The following FRMD4B variants were observed in gnomAD, a reference collection of about 807,000 sequenced individuals.
The protein encoded by FRMD4B is FERM domain-containing protein 4B.
Under a neutral mutation model 141.5 loss-of-function variants are expected in FRMD4B, and 74 were observed. The observed-to-expected ratio is 0.52, with a 90% CI of 0.43 to 0.63. The LOEUF (loss-of-function observed/expected upper bound fraction) is 0.63, where lower values mean the gene tolerates loss of function less well. Ranked by LOEUF, FRMD4B falls within the 30% of genes least tolerant of loss-of-function variation. The pLI is 0.00. For synonymous variants in FRMD4B, 506 were observed against 467.9 expected, an observed-to-expected ratio of 1.08 and a Z score of -1.05; for missense variants, 1,366 against 1,253.4, an observed-to-expected ratio of 1.09 and a Z score of -1.36.
intron 1 of FRMD4B, among the ~76,000 whole-genome samples, chr3:69,464,486 T>G (rs1419780870): frequency 6.6e-6 from 1 of 152,176 alleles, no homozygotes; most frequent in Non-Finnish European, 1.5e-5. Flanking sequence ...CTTTCTTCTT[T>G]TCTCTAAAAC....
intron 2 of FRMD4B, among the ~76,000 whole-genome samples, chr3:69,398,879 G>A (rs1704513508): frequency 6.6e-6 from 1 of 152,084 alleles, no homozygotes; most frequent in Admixed American, 6.6e-5. Flanking sequence ...CATAGTCTAT[G>A]ATATCCAAAC....
chr3:69,343,734 C>G (rs1335938602), intron 1 of FRMD4B, among the ~76,000 whole-genome samples: 1 of 151,904 alleles, frequency 6.6e-6, no homozygotes, highest in African/African-American at 2.4e-5. Context: ...TGTGTGCCAC[C>G]ATACCTGGCT....
intron 1 of FRMD4B, among the ~76,000 whole-genome samples, chr3:69,469,017 C>A (rs1705840301): frequency 6.6e-6 from 1 of 152,122 alleles, no homozygotes; most frequent in South Asian, 2.1e-4. Context: ...GTGACTTCAA[C>A]CAGAGATAAA....
chr3:69,528,613 G>T (rs1468127415), intron 1 of FRMD4B, among the ~76,000 whole-genome samples: 1 of 152,068 alleles, frequency 6.6e-6, no homozygotes, highest in African/African-American at 2.4e-5. Context: ...AGATCCACCT[G>T]CCTTGGCTTC....
intron 5 of FRMD4B, among the ~76,000 whole-genome samples, chr3:69,275,498 G>A (rs1295085400): frequency 6.7e-6 from 1 of 149,572 alleles, no homozygotes. Flanking sequence ...GGAATACAGT[G>A]GCACAATCAT....
chr3:69,176,896 A>G (rs1259482077), intron 21 of FRMD4B, among the ~76,000 whole-genome samples: 1 of 152,146 alleles, frequency 6.6e-6, no homozygotes, highest in Non-Finnish European at 1.5e-5. Context: ...ATATTAATAT[A>G]TTCTGTATAG....
At chr3:69,388,902 T>C (rs11717499), upstream of FRMD4B, among the ~76,000 whole-genome samples, 20,514 of 152,196 alleles carry the variant, frequency 0.13, 1,582 homozygotes, top group Admixed American at 0.2. Flanking sequence ...ATATATTGCA[T>C]TGTGGCGAAG....
intron 2 of FRMD4B, among the ~76,000 whole-genome samples, chr3:69,405,611 T>A (rs1353928721): frequency 6.6e-6 from 1 of 152,234 alleles, no homozygotes; most frequent in African/African-American, 2.4e-5. Flanking sequence ...AAGCAGCCGA[T>A]GTTCTCTACA....
intron 2 of FRMD4B, among the ~76,000 whole-genome samples, chr3:69,402,284 C>A (rs1704576197): frequency 6.6e-6 from 1 of 152,130 alleles, no homozygotes; most frequent in African/African-American, 2.4e-5. Flanking sequence ...TCTGGTTGAG[C>A]CATCTTGTTG....
At chr3:69,307,497 C>G (rs1246989499) in intron 3 of FRMD4B, among the ~76,000 whole-genome samples, 1 of 152,014 alleles carries the variant, frequency 6.6e-6, no homozygotes, top group African/African-American at 2.4e-5. Context: ...CCCACCACCA[C>G]GCCCAGCTAA....
At chr3:69,206,178 C>T (rs1055681369) in intron 11 of FRMD4B, among the ~76,000 whole-genome samples, 2 of 152,004 alleles carry the variant, frequency 1.3e-5, no homozygotes, top group Non-Finnish European at 2.9e-5. Flanking sequence ...GGTAAAACCC[C>T]ATCTCTGCTA....
chr3:69,349,118 A>G (rs1703047910), intron 1 of FRMD4B, among the ~76,000 whole-genome samples: 1 of 152,266 alleles, frequency 6.6e-6, no homozygotes, highest in African/African-American at 2.4e-5. Flanking sequence ...AAGCAACTTC[A>G]GCAAAGTCTC....
intron 12 of FRMD4B, chr3:69,198,378 T>C: frequency 4.0e-6 from 1 of 250,256 alleles, no homozygotes. Flanking sequence ...CACAAGAAGG[T>C]ACCACTTCAA....
chr3:69,340,086 AG>A (rs940217085), intron 1 of FRMD4B, among the ~76,000 whole-genome samples: 4 of 152,142 alleles, frequency 2.6e-5, no homozygotes, highest in Non-Finnish European at 4.4e-5. Flanking sequence ...TCAAGGCATG[AG>A]GGGTTGGGGA....
intron 4 of FRMD4B, among the ~76,000 whole-genome samples, chr3:69,290,363 AGG>A (rs1240201455): frequency 6.6e-6 from 1 of 152,206 alleles, no homozygotes; most frequent in African/African-American, 2.4e-5. Context: ...TGAAGTAGAG[AGG>A]GACAAGAGTC....
chr3:69,186,994 T>A (rs1251751765), intron 19 of FRMD4B, among the ~76,000 whole-genome samples: 1 of 152,176 alleles, frequency 6.6e-6, no homozygotes, highest in East Asian at 1.9e-4. Flanking sequence ...CCTGAGATAT[T>A]TGAGAAAATG....
chr3:69,243,372 C>G (rs941982050), intron 7 of FRMD4B, among the ~76,000 whole-genome samples: 1 of 152,124 alleles, frequency 6.6e-6, no homozygotes, highest in Non-Finnish European at 1.5e-5. Flanking sequence ...AGGCAGATAG[C>G]ATGGGCCATG....
chr3:69,317,285 G>A (rs1480623156), intron 1 of FRMD4B, among the ~76,000 whole-genome samples: 1 of 152,144 alleles, frequency 6.6e-6, no homozygotes, highest in Non-Finnish European at 1.5e-5. Flanking sequence ...AGTTGATTGG[G>A]CAAGGGATAG....
chr3:69,329,167 A>G (rs886886504), intron 1 of FRMD4B, among the ~76,000 whole-genome samples: 2 of 152,162 alleles, frequency 1.3e-5, no homozygotes, highest in African/African-American at 4.8e-5. Context: ...CGTGATAAAG[A>G]TGAACAAACA....
Sources: gnomAD v4.1 joint callset for allele counts (sites outside exome capture counted in the v4.1 genomes callset) on GRCh38, gnomAD v4.1.1 for gene constraint, MANE v1.5 for transcripts, NCBI Gene and HGNC (gene_info 2026-07-23, HGNC 2026-07-21) for gene names.